Variants in DLG2 observed in about 807,000 individuals in gnomAD.
DLG2 encodes the protein disks large homolog 2.
A neutral mutation model predicts 132.5 loss-of-function variants in DLG2; 45 were observed. The observed-to-expected ratio is 0.34, with a 90% CI of 0.27 to 0.44. The LOEUF is 0.44. Ranked by LOEUF, DLG2 falls within the 20% of genes least tolerant of loss-of-function variation. The pLI is 1.00. For synonymous variants in DLG2, 424 were observed against 419.6 expected, an observed-to-expected ratio of 1.01 and a Z score of -0.13; for missense variants, 1,045 against 1,196.9, an observed-to-expected ratio of 0.87 and a Z score of 1.87.
intron 7 of DLG2, among the ~76,000 whole-genome samples, chr11:84,491,339 AT>A (rs1039660446): frequency 3.3e-5 from 5 of 152,056 alleles, no homozygotes; most frequent in African/African-American, 9.6e-5. Context: ...CACAAACTCT[AT>A]TTGCCTGCCG....
chr11:84,978,774 A>C (rs752916536), intron 6 of DLG2, among the ~76,000 whole-genome samples: 125 of 152,336 alleles, frequency 8.2e-4, no homozygotes, highest in Non-Finnish European at 1.2e-3. Flanking sequence ...CATGTCTAAA[A>C]CACCAAAAGC....
chr11:85,121,976 A>ATG (rs1054393234), intron 5 of DLG2, among the ~76,000 whole-genome samples: 2 of 152,082 alleles, frequency 1.3e-5, no homozygotes, highest in South Asian at 2.1e-4. Context: ...GTATGTATGT[A>ATG]TGTGTGTGTG....
At chr11:84,354,954 C>T (rs1353301137) in intron 7 of DLG2, among the ~76,000 whole-genome samples, 1 of 152,094 alleles carries the variant, frequency 6.6e-6, no homozygotes, top group Non-Finnish European at 1.5e-5. Context: ...TTCTTTGCCT[C>T]CTTTTAATAA....
At chr11:84,438,325 C>G (rs1029868391) in intron 7 of DLG2, among the ~76,000 whole-genome samples, 1 of 152,110 alleles carries the variant, frequency 6.6e-6, no homozygotes, top group East Asian at 1.9e-4. Flanking sequence ...GAGTGAAGGT[C>G]CGTAGTTTTA....
intron 8 of DLG2, among the ~76,000 whole-genome samples, chr11:84,227,697 G>A (rs868288351): frequency 1.7e-4 from 26 of 151,918 alleles, no homozygotes; most frequent in Admixed American, 3.9e-4. Flanking sequence ...CAATGTAGGC[G>A]GATCACAAGG....
chr11:84,481,075 C>G (rs2099136195), intron 7 of DLG2, among the ~76,000 whole-genome samples: 1 of 151,844 alleles, frequency 6.6e-6, no homozygotes, highest in South Asian at 2.1e-4. Flanking sequence ...AATAATAACT[C>G]CCTCTAGAAT....
chr11:85,284,992 G>C (rs960161182), intron 4 of DLG2, among the ~76,000 whole-genome samples: 8 of 151,746 alleles, frequency 5.3e-5, no homozygotes, highest in African/African-American at 1.9e-4. Flanking sequence ...TGACAATTTT[G>C]CTAACATAAC....
At chr11:83,785,208 C>G (rs1181820936) in intron 18 of DLG2, among the ~76,000 whole-genome samples, 1 of 151,986 alleles carries the variant, frequency 6.6e-6, no homozygotes, top group Non-Finnish European at 1.5e-5. Context: ...GTGCCAGCTA[C>G]CACATCTGGC....
At chr11:84,609,527 G>C (rs997481475) in intron 6 of DLG2, among the ~76,000 whole-genome samples, 32 of 152,092 alleles carry the variant, frequency 2.1e-4, no homozygotes, top group African/African-American at 7.2e-4. Context: ...GTCAACCCAA[G>C]CCAATGGAAA....
rs571774300 is a variant in DLG2 at position 83,922,013 on chromosome 11, C to T, written c.1496+8315G>A. ...CATGAAGCCTCCTGACTCTACCTGC[C>T]TGGGTTGTTGTGCAGAGTAAATAAG... On this transcript the variant is annotated intron_variant, in intron 15 of 27. Coordinates refer to ENST00000376104, the MANE Select transcript of DLG2 (RefSeq NM_001142699.3). Among the ~76,000 whole-genome samples, 155 of 152,188 alleles carry T rather than the reference C, an allele frequency of 1.0e-3. 2 individuals are homozygous for T. The highest frequency in any genetic ancestry group is 3.6e-3 in the African/African-American group (150 of 41,556).
At chr11:83,702,986 C>G (rs2083231945) in intron 18 of DLG2, among the ~76,000 whole-genome samples, 1 of 152,216 alleles carries the variant, frequency 6.6e-6, no homozygotes, top group African/African-American at 2.4e-5. Context: ...AATGACGCAT[C>G]AATCCAGTCC....
intron 7 of DLG2, among the ~76,000 whole-genome samples, chr11:84,424,523 A>G (rs987950830): frequency 3.3e-5 from 5 of 152,124 alleles, no homozygotes; most frequent in Admixed American, 2.0e-4. Context: ...TGAGACAGGC[A>G]CTATTATTCT....
At chr11:83,462,838 G>T (rs947056572) in intron 26 of DLG2, among the ~76,000 whole-genome samples, 1 of 151,962 alleles carries the variant, frequency 6.6e-6, no homozygotes, top group African/African-American at 2.4e-5. Flanking sequence ...AAGGCTCAAG[G>T]ATAAATCAAG....
chr11:83,471,257 G>T (rs1347706968), intron 24 of DLG2, among the ~76,000 whole-genome samples: 2 of 151,906 alleles, frequency 1.3e-5, no homozygotes, highest in Admixed American at 6.6e-5. Context: ...CTTTGTTTCC[G>T]ATCTCTTCCA....
At chr11:83,672,044 G>A (rs1020284223) in intron 18 of DLG2, among the ~76,000 whole-genome samples, 1 of 152,108 alleles carries the variant, frequency 6.6e-6, no homozygotes, top group African/African-American at 2.4e-5. Context: ...ACAAATAAAG[G>A]GGAAGGGAGT....
intron 18 of DLG2, among the ~76,000 whole-genome samples, chr11:83,765,509 T>C (rs1185404726): frequency 6.6e-6 from 1 of 152,218 alleles, no homozygotes; most frequent in Non-Finnish European, 1.5e-5. Context: ...TGATTTGGGG[T>C]TGGCGTTTAA....
At chr11:85,251,577 G>T (rs976127181) in intron 4 of DLG2, among the ~76,000 whole-genome samples, 20 of 151,838 alleles carry the variant, frequency 1.3e-4, no homozygotes, top group Non-Finnish European at 2.6e-4. Flanking sequence ...AATAACAATT[G>T]GTGAGGCTTA....
chr11:85,569,092 T>G (rs994673418), intron 3 of DLG2, among the ~76,000 whole-genome samples: 2 of 152,188 alleles, frequency 1.3e-5, no homozygotes, highest in Admixed American at 6.5e-5. Flanking sequence ...AGTGCAATGG[T>G]GTGATCTCAG....
chr11:84,897,704 TGA>T (rs2090384900), intron 6 of DLG2, among the ~76,000 whole-genome samples: 1 of 151,892 alleles, frequency 6.6e-6, no homozygotes, highest in Admixed American at 6.6e-5. Context: ...AATTAGATGC[TGA>T]GTTTTAAGGA....
Sources: gnomAD v4.1 joint callset for allele counts (sites outside exome capture counted in the v4.1 genomes callset) on GRCh38, gnomAD v4.1.1 for gene constraint, MANE v1.5 for transcripts, NCBI Gene and HGNC (gene_info 2026-07-23, HGNC 2026-07-21) for gene names.